The following ULK4 variants were observed in gnomAD, a reference collection of about 807,000 sequenced individuals.
ULK4 encodes the protein inactive serine/threonine-protein kinase ULK4.
In ULK4, 133 loss-of-function variants were observed where a neutral mutation model predicts 160.6. That is an observed-to-expected ratio of 0.83 (90% CI 0.72 to 0.96). The LOEUF is 0.96. Ranked by LOEUF, ULK4 falls within the 40% of genes least tolerant of loss-of-function variation. The probability of loss-of-function intolerance (pLI) is 0.00; values close to 1 mark genes in which losing one functional copy is unlikely to be tolerated. For missense variants in ULK4, 1,580 were observed against 1,499.5 expected, an observed-to-expected ratio of 1.05 and a Z score of -0.89; for synonymous variants, 534 against 539.8, an observed-to-expected ratio of 0.99 and a Z score of 0.15.
intron 12 of ULK4, among the ~76,000 whole-genome samples, chr3:41,901,169 C>CTTTTT (rs756499023): frequency 0.025 from 2,401 of 94,638 alleles, 200 homozygotes; most frequent in Non-Finnish European, 0.037. Context: ...AACAGCATGG[C>CTTTTT]TTCTTTTTTT....
intron 18 of ULK4, among the ~76,000 whole-genome samples, chr3:41,830,940 C>T (rs898417600): frequency 2.0e-5 from 3 of 151,928 alleles, no homozygotes; most frequent in African/African-American, 7.3e-5. Flanking sequence ...CCCCAAAGAA[C>T]TGCGAGGAAA....
At chr3:41,257,570 C>T (rs1575360686) in intron 35 of ULK4, among the ~76,000 whole-genome samples, 3 of 150,754 alleles carry the variant, frequency 2.0e-5, no homozygotes, top group Non-Finnish European at 1.5e-5. Context: ...GAGGTCAAGG[C>T]TTCAGTGAGC....
chr3:41,922,512 G>A (rs555914747), intron 5 of ULK4, among the ~76,000 whole-genome samples: 16 of 151,430 alleles, frequency 1.1e-4, no homozygotes, highest in Middle Eastern at 6.8e-3. Flanking sequence ...AACAAGAACC[G>A]AAAGAGTAAG....
chr3:41,274,986 C>G (rs2079204843), intron 35 of ULK4, among the ~76,000 whole-genome samples: 1 of 152,198 alleles, frequency 6.6e-6, no homozygotes, highest in Non-Finnish European at 1.5e-5. Context: ...CCTGAGACAT[C>G]TGTGCTCTAC....
intron 30 of ULK4, among the ~76,000 whole-genome samples, chr3:41,628,729 A>AT (rs1446184468): frequency 1.3e-5 from 2 of 152,222 alleles, no homozygotes; most frequent in Admixed American, 1.3e-4. Flanking sequence ...GGTTAACAGT[A>AT]TATCAATGTT....
intron 30 of ULK4, among the ~76,000 whole-genome samples, chr3:41,662,064 A>C (rs2035191278): frequency 6.6e-6 from 1 of 152,226 alleles, no homozygotes. Context: ...GTATTCGCAC[A>C]TGATGTCAAA....
chr3:41,284,166 T>C (rs1056839052), intron 35 of ULK4, among the ~76,000 whole-genome samples: 2 of 152,166 alleles, frequency 1.3e-5, no homozygotes, highest in Admixed American at 1.3e-4. Context: ...ATGACCATAC[T>C]GCCAAAAGCA....
At chr3:41,636,917 A>C (rs1346149373) in intron 30 of ULK4, among the ~76,000 whole-genome samples, 1 of 152,206 alleles carries the variant, frequency 6.6e-6, no homozygotes, top group Non-Finnish European at 1.5e-5. Context: ...CAGTGTGCTC[A>C]TCACAAAGGA....
At chr3:41,345,369 C>T (rs1331707813) in intron 35 of ULK4, among the ~76,000 whole-genome samples, 4 of 152,124 alleles carry the variant, frequency 2.6e-5, no homozygotes, top group African/African-American at 9.7e-5. Context: ...GACATGGAAT[C>T]AACCTAAATA....
At chr3:41,841,135 G>T (rs1247235513) in intron 17 of ULK4, among the ~76,000 whole-genome samples, 5 of 144,698 alleles carry the variant, frequency 3.5e-5, no homozygotes, top group African/African-American at 1.3e-4. Context: ...GCCTCTGCTC[G>T]GCCGCCACCC....
chr3:41,775,885 T>C (rs940091906), intron 21 of ULK4, among the ~76,000 whole-genome samples: 1 of 150,996 alleles, frequency 6.6e-6, no homozygotes, highest in South Asian at 2.1e-4. Context: ...TATAATATTC[T>C]ACCACAAGGA....
chr3:41,893,830 T>TAAAGAA (rs1698057231), intron 16 of ULK4, among the ~76,000 whole-genome samples: 1 of 152,026 alleles, frequency 6.6e-6, no homozygotes. Flanking sequence ...AAAACAAAAC[T>TAAAGAA]AAAGAATAAA....
chr3:41,292,065 C>T (rs2079577028), intron 35 of ULK4, among the ~76,000 whole-genome samples: 1 of 151,906 alleles, frequency 6.6e-6, no homozygotes, highest in African/African-American at 2.4e-5. Context: ...GATCTCCTGA[C>T]CTCACAATCC....
chr3:41,309,895 A>G (rs565794849), intron 35 of ULK4, among the ~76,000 whole-genome samples: 2 of 134,758 alleles, frequency 1.5e-5, no homozygotes, highest in Non-Finnish European at 3.0e-5. Flanking sequence ...AATGCCTTTT[A>G]GGGAAAAAAA....
At position 41,911,477 on chromosome 3, in the gene ULK4, C is replaced by T. The variant is rs1044941930; in HGVS notation, c.1015+64G>A. On this transcript the variant is annotated intron_variant, in intron 10 of 36. Transcript: ENST00000301831. ...CACAAAGATTTAAAGGGACATAACA[C>T]TGAAATTAGGAACTCTCTCAAACAA... is the stretch of plus-strand genomic sequence containing the variant. 20 of 1,587,956 alleles carry T rather than the reference C, an allele frequency of 1.3e-5. No individual in the cohort carries two copies. The Admixed American group carries it at 1.7e-4, about 13-fold the overall frequency.
chr3:41,642,667 T>C (rs28808370), intron 30 of ULK4, among the ~76,000 whole-genome samples: 6,377 of 152,284 alleles, frequency 0.042, 295 homozygotes, highest in African/African-American at 0.11. Flanking sequence ...CATGTGTCTT[T>C]ATAGCAGCAT....
At chr3:41,657,502 C>T (rs2034981359) in intron 30 of ULK4, among the ~76,000 whole-genome samples, 1 of 152,054 alleles carries the variant, frequency 6.6e-6, no homozygotes, top group South Asian at 2.1e-4. Context: ...ACAATTAAGG[C>T]ACTCTACTCT....
intron 27 of ULK4, among the ~76,000 whole-genome samples, chr3:41,704,796 CAACA>C (rs2036812446): frequency 6.6e-6 from 1 of 151,936 alleles, no homozygotes; most frequent in African/African-American, 2.4e-5. Flanking sequence ...CTACCAGTTG[CAACA>C]AATAATCAGG....
intron 2 of ULK4, among the ~76,000 whole-genome samples, chr3:41,939,798 G>A (rs968299565): frequency 2.0e-5 from 3 of 152,042 alleles, no homozygotes; most frequent in Admixed American, 1.3e-4. Context: ...GCTTGAGCTC[G>A]CCTCCTGTCA....
Sources: gnomAD v4.1 joint callset for allele counts (sites outside exome capture counted in the v4.1 genomes callset) on GRCh38, gnomAD v4.1.1 for gene constraint, MANE v1.5 for transcripts, NCBI Gene and HGNC (gene_info 2026-07-23, HGNC 2026-07-21) for gene names.